IFT122: variants seen among roughly 807,000 people sequenced by gnomAD.
IFT122 encodes intraflagellar transport protein 122 homolog.
A neutral mutation model predicts 161.6 loss-of-function variants in IFT122; 118 were observed. The ratio of observed to expected loss-of-function variants is 0.73; its 90% CI spans 0.63 to 0.85. The LOEUF is 0.85. Among genes scored for constraint, IFT122 ranks in the 40% least tolerant of loss-of-function variants. IFT122 has a pLI of 0.00. For synonymous variants in IFT122, 550 were observed against 602.4 expected (o/e 0.91, Z 1.27); for missense variants, 1,381 against 1,579.6 (o/e 0.87, Z 2.13).
At chr3:129,488,700 T>C (rs2079622962) in intron 16 of IFT122, among the ~76,000 whole-genome samples, 1 of 151,892 alleles carries the variant, frequency 6.6e-6, no homozygotes, top group African/African-American at 2.4e-5. Context: ...TGGCTGTCAC[T>C]CTTATTAGCT....
At chr3:129,498,430 G>C (rs868490923) in intron 18 of IFT122, among the ~76,000 whole-genome samples, 1 of 152,250 alleles carries the variant, frequency 6.6e-6, no homozygotes, top group Non-Finnish European at 1.5e-5. Flanking sequence ...CAGAAGGAAA[G>C]GTGTGTCTGT....
chr3:129,492,735 C>A (rs2080282005), intron 17 of IFT122, among the ~76,000 whole-genome samples: 1 of 152,002 alleles, frequency 6.6e-6, no homozygotes, highest in Non-Finnish European at 1.5e-5. Context: ...CATCCAAACC[C>A]AATAGGCCTG....
At position 129,514,290 on chromosome 3, in the gene IFT122, C is replaced by G. The variant is rs747349090; in HGVS notation, c.2988-99C>G. On this transcript the variant is annotated intron_variant, in intron 24 of 29. Coordinates refer to ENST00000348417, the MANE Select transcript of IFT122 (RefSeq NM_052989.3). The stretch of plus-strand genomic sequence containing the variant: ...CTTTCCTCTGCCTTCCCGGCACCAG[C>G]ACAAGCTGTGTTCCAGCCTGGGGCT... The G allele has an allele frequency of 1.8e-5, 25 of 1,354,034 alleles. No individual in the cohort carries two copies. In the South Asian group the frequency reaches 3.1e-4, roughly 17 times the overall value. The allele number at this position is 1,354,034 out of a possible 1,614,324, so 83.9% of individuals were successfully genotyped here.
At chr3:129,518,040 G>A (rs2084218382) in intron 27 of IFT122, among the ~76,000 whole-genome samples, 1 of 152,244 alleles carries the variant, frequency 6.6e-6, no homozygotes, top group Non-Finnish European at 1.5e-5. Flanking sequence ...AAGCAGGAGA[G>A]GAAGCTTCCT....
At chr3:129,504,132 C>G (rs1578020684) in intron 20 of IFT122, 187 bp from the exon 21 acceptor site, 13 of 570,256 alleles carry the variant, frequency 2.3e-5, no homozygotes, top group Non-Finnish European at 2.8e-5. Flanking sequence ...CTGTTAATTG[C>G]CTTTTGTTTT....
At chr3:129,500,683 G>T (rs1199472274) in intron 19 of IFT122, among the ~76,000 whole-genome samples, 1 of 152,212 alleles carries the variant, frequency 6.6e-6, no homozygotes, top group Non-Finnish European at 1.5e-5. Context: ...AGGATATGCA[G>T]GCAGGAAGTA....
At chr3:129,500,270 G>A (rs2081369379) in intron 19 of IFT122, among the ~76,000 whole-genome samples, 1 of 152,212 alleles carries the variant, frequency 6.6e-6, no homozygotes, top group Admixed American at 6.5e-5. Flanking sequence ...AAGGGATGGT[G>A]GGGACCAGGG....
chr3:129,453,854 A>AC (rs142654290), intron 3 of IFT122, among the ~76,000 whole-genome samples: 20,164 of 152,136 alleles, frequency 0.13, 1,709 homozygotes, highest in South Asian at 0.24. Flanking sequence ...AGTGGGAAGA[A>AC]ATGGGCTTTG....
rs139210547 is a variant in IFT122 at position 129,469,723 on chromosome 3, C to T, written c.816+306C>T. On this transcript the variant is annotated intron_variant, in intron 9 of 29. Transcript: ENST00000348417. ...AATGGTGGAGCCTAGGAGTTAAACC[C>T]AGGTTGGTTTGACTTTAAAATCTAG... Among the ~76,000 whole-genome samples, 681 of 152,266 alleles carry T rather than the reference C, an allele frequency of 4.5e-3. 4 individuals are homozygous for T. Among genetic ancestry groups the T allele is most frequent in the African/African-American group, 0.015 (639 of 41,556 alleles).
At chr3:129,478,641 G>A (rs1402721665) in intron 12 of IFT122, among the ~76,000 whole-genome samples, 1 of 152,090 alleles carries the variant, frequency 6.6e-6, no homozygotes. Flanking sequence ...ACGCGAGGCT[G>A]TACTTTGGGA....
Position 129,456,071 on chromosome 3 carries a change from A to G in IFT122, c.194-2528A>G, listed in dbSNP as rs561640261. The stretch of plus-strand genomic sequence containing the variant: ...ATACACTCATTTAATCTTCACACCA[A>G]CCATGAGGTAAATACTAACATTGTA... On this transcript the variant is annotated intron_variant, in intron 3 of 29. Coordinates refer to ENST00000348417, the MANE Select transcript of IFT122 (RefSeq NM_052989.3). 7 of 461,416 alleles carry G rather than the reference A, an allele frequency of 1.5e-5. No individual in the cohort carries two copies. In the East Asian group the frequency reaches 4.9e-4, roughly 32 times the overall value. The allele number at this position is 461,416 out of a possible 1,614,324, so 28.6% of individuals were successfully genotyped here.
intron 15 of IFT122, among the ~76,000 whole-genome samples, chr3:129,486,682 G>A (rs747402680): frequency 2.0e-5 from 3 of 152,208 alleles, no homozygotes; most frequent in Non-Finnish European, 2.9e-5. Context: ...CTGGGAGATG[G>A]TGAGGAGCTG....
intron 18 of IFT122, among the ~76,000 whole-genome samples, chr3:129,496,373 G>A (rs1409196438): frequency 2.0e-5 from 3 of 152,176 alleles, no homozygotes; most frequent in South Asian, 2.1e-4. Context: ...AAGAGGCTTC[G>A]GTACACTGGG....
chr3:129,465,684 G>A (rs1448080274), intron 7 of IFT122, among the ~76,000 whole-genome samples: 5 of 90,612 alleles, frequency 5.5e-5, no homozygotes, highest in South Asian at 4.0e-4. Flanking sequence ...CGCCCAGGCC[G>A]GACTGCGGAC....
intron 27 of IFT122, among the ~76,000 whole-genome samples, chr3:129,518,145 G>A (rs1047287667): frequency 6.6e-6 from 1 of 152,200 alleles, no homozygotes; most frequent in Admixed American, 6.5e-5. Flanking sequence ...GCCCCGTGGT[G>A]CCCCCATAAC....
Position 129,512,405 on chromosome 3 carries a change from T to G in IFT122, c.2980T>G (p.Ser994Ala). The change falls in exon 24 of 30, where the codon TCT becomes GCT. Residue 994 changes from serine to alanine, a missense_variant. Ser to Ala is a moderately conservative substitution (Grantham distance 99, BLOSUM62 1). This residue lies in a region of IFT122 where 496 missense variants were observed against 502.5 expected (regional missense o/e 0.99). Coordinates refer to ENST00000348417, the MANE Select transcript of IFT122 (RefSeq NM_052989.3). ...GCCCAAGGACACCCCCTCGGGCATC[T>G]CTAAAGTGTATCCTTTCTCTTATCC... Reference protein sequence around the residue: ...SLPKDTPSGISKVKILFTLAK... With the variant: ...SLPKDTPSGIAKVKILFTLAK... 6.2e-7 allele frequency: 1 copy of G among 1,604,034 alleles called. No individual in the cohort carries two copies. The highest frequency in any genetic ancestry group is 8.5e-7 in the Non-Finnish European group (1 of 1,170,776).
At chr3:129,468,990 G>A (rs980425044) in intron 8 of IFT122, among the ~76,000 whole-genome samples, 3 of 152,200 alleles carry the variant, frequency 2.0e-5, no homozygotes, top group Non-Finnish European at 4.4e-5. Flanking sequence ...TAGTATGTAA[G>A]AGAAAAGCAG....
In IFT122 at chr3:129,466,938, T is replaced by C. The variant is rs1174352513; in HGVS notation, c.612T>C (p.Asp204=). ...ACAGAGAGAATGAGGATGCCGAGGA[T>C]GTCATTGTCAACAGATATATTCAGG... ...WMNRENEDAE[D]VIVNRYIQEI... Residue 204 remains aspartate (D), a synonymous_variant, in exon 8 of 30, where the codon GAT becomes GAC. Transcript: ENST00000348417. 8 of 1,614,174 alleles carry C rather than the reference T, an allele frequency of 5.0e-6. No individual in the cohort carries two copies. The highest frequency in any genetic ancestry group is 6.8e-6 in the Non-Finnish European group (8 of 1,180,006).
intron 5 of IFT122, 83 bp from the exon 6 acceptor site, chr3:129,463,477 G>A (rs1559873775): frequency 3.7e-6 from 4 of 1,082,226 alleles, no homozygotes; most frequent in Non-Finnish European, 5.7e-6. Context: ...CTAAGTTGTT[G>A]TATGTTTCAA....
Sources: allele counts gnomAD v4.1 joint callset (sites outside exome capture counted in the v4.1 genomes callset), GRCh38; gene constraint gnomAD v4.1.1; regional missense constraint gnomAD v4.1.1; transcripts MANE v1.5; gene names NCBI Gene and HGNC (gene_info 2026-07-23, HGNC 2026-07-21).